Variants in DOCK9 observed in about 807,000 individuals in gnomAD.
DOCK9 encodes the protein dedicator of cytokinesis protein 9.
In DOCK9, 89 loss-of-function variants were observed where a neutral mutation model predicts 263.3. The ratio of observed to expected loss-of-function variants is 0.34; its 90% CI spans 0.28 to 0.40. The LOEUF (loss-of-function observed/expected upper bound fraction) is 0.40. Among genes scored for constraint, DOCK9 ranks in the 10% least tolerant of loss-of-function variants. The pLI, the probability that DOCK9 is intolerant of heterozygous loss-of-function variation, is 1.00. For missense variants in DOCK9, 2,140 were observed against 2,603.4 expected (o/e 0.82, Z 3.87); for synonymous variants, 976 against 973.1 (o/e 1.00, Z -0.06).
chr13:98,922,184 T>A, intron 5 of DOCK9, 38 bp from the exon 6 acceptor site: 1 of 1,487,222 alleles, frequency 6.7e-7, no homozygotes, highest in South Asian at 1.2e-5. Flanking sequence ...CAACCTCCCG[T>A]TATTACCTGG....
intron 15 of DOCK9, among the ~76,000 whole-genome samples, chr13:98,896,975 C>T (rs780806917): frequency 2.0e-5 from 3 of 152,196 alleles, no homozygotes; most frequent in Non-Finnish European, 2.9e-5. Context: ...CAGAGACACA[C>T]AGGAAGAGGA....
At position 98,902,392 on chromosome 13, in the gene DOCK9, G is replaced by C. The variant is rs775850785; in HGVS notation, c.1276C>G (p.Gln426Glu). 5.6e-6 allele frequency: 9 copies of C among 1,614,020 alleles called. No homozygotes were observed. Among genetic ancestry groups the C allele is most frequent in the Non-Finnish European group, 7.6e-6 (9 of 1,179,888 alleles). ...HVDLNHFSVR[Q>E]MLATTSPALM... ...GCCGGGGACGTGGTGGCGAGCATTT[G>C]CCTCACTGAGAAATGGTTCAGGTCT... is the stretch of plus-strand genomic sequence containing the variant. The change falls in exon 12 of 53, where the codon CAA (glutamine) becomes GAA (glutamate). Residue 426 changes from glutamine to glutamate, a missense_variant. Coordinates refer to ENST00000682017, the MANE Select transcript of DOCK9 (RefSeq NM_001366683.2).
intron 48 of DOCK9, among the ~76,000 whole-genome samples, chr13:98,806,646 C>A (rs1368690620): frequency 6.6e-6 from 1 of 152,148 alleles, no homozygotes; most frequent in Non-Finnish European, 1.5e-5. Context: ...CGGTGGCTCA[C>A]GCCTATAATC....
intron 1 of DOCK9, among the ~76,000 whole-genome samples, chr13:98,961,129 A>C (rs2058592606): frequency 6.6e-6 from 1 of 152,228 alleles, no homozygotes; most frequent in Non-Finnish European, 1.5e-5. Flanking sequence ...GCTAAGGTCA[A>C]GCCCATTGCC....
At position 98,989,589 on chromosome 13, in the gene DOCK9, G is replaced by A. The variant is rs76722743; in HGVS notation, c.130-34038C>T. On this transcript the variant is annotated intron_variant, in intron 1 of 32. Transcript: ENST00000427887. ...ACACAGATCCAAGACAAGGAAACACGAATGGGTTCCCAGAAATATCTCTGC... is the reference window on the plus strand; with the variant it reads ...ACACAGATCCAAGACAAGGAAACACAAATGGGTTCCCAGAAATATCTCTGC... Among the ~76,000 whole-genome samples the A allele has an allele frequency of 4.9e-3, 747 of 152,140 alleles. 13 individuals carry two copies. The highest frequency in any genetic ancestry group is 0.032 in the East Asian group (165 of 5,168).
intron 8 of DOCK9, 89 bp downstream of exon 8, chr13:98,915,240 T>G: frequency 4.5e-6 from 6 of 1,326,744 alleles, no homozygotes; most frequent in Non-Finnish European, 6.2e-6. Context: ...TGTACTTGTG[T>G]AACACAGGTC....
intron 15 of DOCK9, among the ~76,000 whole-genome samples, chr13:98,895,868 T>C (rs117055083): frequency 0.034 from 5,102 of 152,272 alleles, 135 homozygotes; most frequent in Middle Eastern, 0.092. Context: ...AACAGATTCA[T>C]AGGGATCCAG....
chr13:99,086,327 C>G, exon 1 of DOCK9: 13 of 1,462,884 alleles, frequency 8.9e-6, no homozygotes, highest in Non-Finnish European at 1.2e-5. Flanking sequence ...TCCGCCGAGG[C>G]GGGGAGCAGC....
chr13:98,972,959 G>A (rs1194207765), intron 1 of DOCK9, among the ~76,000 whole-genome samples: 1 of 152,180 alleles, frequency 6.6e-6, no homozygotes, highest in Non-Finnish European at 1.5e-5. Context: ...TGGGTTGACT[G>A]AATTAATGAA....
chr13:98,813,380 T>G (rs747996322), intron 45 of DOCK9, among the ~76,000 whole-genome samples: 1 of 152,156 alleles, frequency 6.6e-6, no homozygotes, highest in Non-Finnish European at 1.5e-5. Context: ...TGTTTTCAGG[T>G]TAAGGAAGTT....
At chr13:99,042,002 T>C (rs1888507840) in intron 1 of DOCK9, among the ~76,000 whole-genome samples, 4 of 152,196 alleles carry the variant, frequency 2.6e-5, no homozygotes, top group Admixed American at 2.6e-4. Flanking sequence ...AAATTTCTGC[T>C]GTTTTCAGCC....
intron 2 of DOCK9, among the ~76,000 whole-genome samples, chr13:98,931,805 C>T (rs1459749503): frequency 1.3e-4 from 20 of 151,058 alleles, no homozygotes; most frequent in Non-Finnish European, 2.1e-4. Context: ...ACCATGTTGC[C>T]CAGGCTGGTC....
chr13:98,935,698 G>A (rs556474647), intron 2 of DOCK9, among the ~76,000 whole-genome samples: 9 of 152,330 alleles, frequency 5.9e-5, no homozygotes, highest in Admixed American at 5.9e-4. Flanking sequence ...AACTCAGGAG[G>A]CGGAGGTCAC....
intron 39 of DOCK9, among the ~76,000 whole-genome samples, chr13:98,837,027 CCT>C (rs2093029248): frequency 6.6e-6 from 1 of 152,070 alleles, no homozygotes; most frequent in Admixed American, 6.6e-5. Flanking sequence ...AAAAAAAACC[CCT>C]TTCATTTTCT....
intron 1 of DOCK9, among the ~76,000 whole-genome samples, chr13:99,008,177 T>G (rs1304453933): frequency 6.9e-6 from 1 of 145,178 alleles, no homozygotes; most frequent in African/African-American, 2.5e-5. Flanking sequence ...TTATGATATA[T>G]TGTGCAGCCT....
intron 1 of DOCK9, among the ~76,000 whole-genome samples, chr13:99,054,105 G>A (rs907915315): frequency 6.6e-6 from 1 of 152,076 alleles, no homozygotes. Context: ...ATTCTTTGCC[G>A]CATCTCAAAA....
intron 32 of DOCK9, among the ~76,000 whole-genome samples, chr13:98,862,525 A>G (rs1468771861): frequency 2.0e-5 from 3 of 152,076 alleles, no homozygotes; most frequent in African/African-American, 4.8e-5. Context: ...TGCCTCTACT[A>G]AAAATACAAA....
At chr13:98,899,795 G>T (rs1360068689) in intron 13 of DOCK9, among the ~76,000 whole-genome samples, 1 of 152,174 alleles carries the variant, frequency 6.6e-6, no homozygotes, top group Non-Finnish European at 1.5e-5. Context: ...TTAGCTCTCG[G>T]ACATATGAAG....
intron 9 of DOCK9, 112 bp from the exon 10 acceptor site, chr13:98,904,818 T>TCCAACACGAG: frequency 1.1e-6 from 1 of 892,940 alleles, no homozygotes; most frequent in Non-Finnish European, 1.7e-6. Context: ...TGGAAAGCTC[T>TCCAACACGAG]GCCTCGTGTT....
Sources: gnomAD v4.1 joint callset for allele counts (sites outside exome capture counted in the v4.1 genomes callset) on GRCh38, gnomAD v4.1.1 for gene constraint, MANE v1.5 for transcripts, NCBI Gene and HGNC (gene_info 2026-07-23, HGNC 2026-07-21) for gene names.